The following ERI1 variants were observed in gnomAD, a reference collection of about 807,000 sequenced individuals.
ERI1 encodes the protein 3'-5' exoribonuclease 1.
Under a neutral mutation model 39.7 loss-of-function variants are expected in ERI1, and 39 were observed. The ratio of observed to expected loss-of-function variants is 0.98; its 90% CI spans 0.76 to 1.28. The LOEUF (loss-of-function observed/expected upper bound fraction) is 1.28. Ranked by LOEUF, ERI1 falls within the 50% of genes most tolerant of loss-of-function variation. The probability of loss-of-function intolerance (pLI) is 0.00; values close to 1 mark genes in which losing one functional copy is unlikely to be tolerated. For synonymous variants in ERI1, 204 were observed against 149.6 expected (o/e 1.36, Z -2.65); for missense variants, 581 against 416.9 (o/e 1.39, Z -3.43).
chr8:9,015,664 G>A (rs1817161372), intron 3 of ERI1, among the ~76,000 whole-genome samples: 1 of 142,658 alleles, frequency 7.0e-6, no homozygotes, highest in Non-Finnish European at 1.5e-5. Flanking sequence ...GGAGCTTGCA[G>A]TGAGCCGAGA....
chr8:9,059,768 C>T (rs910267424), intron 3 of ERI1, among the ~76,000 whole-genome samples: 7 of 152,078 alleles, frequency 4.6e-5, no homozygotes, highest in East Asian at 3.9e-4. Context: ...ATATCAGCTG[C>T]GATGGCTTGG....
intron 3 of ERI1, among the ~76,000 whole-genome samples, chr8:9,046,527 C>T (rs1187476096): frequency 3.3e-5 from 5 of 152,188 alleles, no homozygotes; most frequent in Non-Finnish European, 4.4e-5. Context: ...GTTTCTGTTA[C>T]TTGCAATTAA....
chr8:9,046,938 C>T (rs1043800406), intron 3 of ERI1, among the ~76,000 whole-genome samples: 4 of 152,224 alleles, frequency 2.6e-5, no homozygotes, highest in African/African-American at 9.6e-5. Context: ...CTGCCTCACC[C>T]TCCGAATCAG....
At chr8:9,046,692 A>G (rs1283726218) in intron 3 of ERI1, among the ~76,000 whole-genome samples, 1 of 152,254 alleles carries the variant, frequency 6.6e-6, no homozygotes, top group Non-Finnish European at 1.5e-5. Flanking sequence ...AAACACCTTT[A>G]CTATTGAGTC....
intron 3 of ERI1, among the ~76,000 whole-genome samples, chr8:9,098,856 G>A (rs531714885): frequency 1.3e-5 from 2 of 152,082 alleles, no homozygotes; most frequent in Admixed American, 6.6e-5. Context: ...GTTTGTTTCA[G>A]ACAGGCTCTC....
intron 3 of ERI1, among the ~76,000 whole-genome samples, chr8:9,071,592 C>T (rs897456574): frequency 3.9e-5 from 6 of 152,166 alleles, no homozygotes; most frequent in East Asian, 1.9e-4. Context: ...CCAGATAGGA[C>T]GGGATAATTG....
chr8:9,041,174 T>G (rs1263956858), intron 3 of ERI1, among the ~76,000 whole-genome samples: 3 of 152,224 alleles, frequency 2.0e-5, no homozygotes, highest in African/African-American at 7.2e-5. Context: ...GAGAAAAATG[T>G]GGGAATTCCA....
At chr8:9,027,136 G>GGTGTGTGTGTGTGTGTGT (rs780775904) in intron 6 of ERI1, among the ~76,000 whole-genome samples, 87 of 137,594 alleles carry the variant, frequency 6.3e-4, no homozygotes, top group South Asian at 1.7e-3. Context: ...GTTATTTTCT[G>GGTGTGTGTGTGTGTGTGT]GTGTGTGTGT....
rs1007270943 is a variant in ERI1, at chr8:9,004,160, C to T, written c.108+989C>T. ...TGTTCCTTTTGCCCTGTGTGCACTT[C>T]CTTTGGATCCTTGCAATTATCTTTC... is the stretch of plus-strand genomic sequence containing the variant. On this transcript the variant is annotated intron_variant, in intron 1 of 6. Coordinates refer to ENST00000250263, the MANE Select transcript of ERI1 (RefSeq NM_153332.4). 27 of 1,288,894 alleles carry T rather than the reference C, an allele frequency of 2.1e-5. No individual in the cohort carries two copies. In the African/African-American group the frequency reaches 3.2e-4, roughly 15 times the overall value. 79.8% of individuals were successfully genotyped at this position (1,288,894 alleles called of 1,614,324 possible).
intron 3 of ERI1, among the ~76,000 whole-genome samples, chr8:9,084,035 A>C (rs577639667): frequency 1.3e-5 from 2 of 152,186 alleles, no homozygotes; most frequent in South Asian, 4.1e-4. Context: ...CCTCATGATC[A>C]ACCCGCCTCG....
chr8:9,024,814 ATG>A (rs534666050), intron 6 of ERI1, among the ~76,000 whole-genome samples: 129 of 152,218 alleles, frequency 8.5e-4, no homozygotes, highest in African/African-American at 2.9e-3. Context: ...TGACTGTAAA[ATG>A]TGTTTTCTTT....
Position 9,003,063 on chromosome 8 carries a change from C to A in ERI1, c.-1C>A. On this transcript the variant is annotated 5_prime_UTR_variant, in exon 1 of 7. Coordinates refer to ENST00000250263, the MANE Select transcript of ERI1 (RefSeq NM_153332.4). ...AACTCTCCTCTGGCGTGACAGCCGG[C>A]ATGGAGGATCCACAGAGTAAAGAGC... The A allele has an allele frequency of 8.0e-7, 1 of 1,246,786 alleles. No individual in the cohort carries two copies. Among genetic ancestry groups the A allele is most frequent in the Non-Finnish European group, 1.0e-6 (1 of 987,464 alleles). The allele number at this position is 1,246,786 out of a possible 1,614,324, so 77.2% of individuals were successfully genotyped here.
chr8:9,090,052 T>G (rs1461151477), intron 3 of ERI1, among the ~76,000 whole-genome samples: 1 of 152,202 alleles, frequency 6.6e-6, no homozygotes, highest in Non-Finnish European at 1.5e-5. Flanking sequence ...AGTCTCATTG[T>G]GCCATGTTTC....
downstream of ERI1, among the ~76,000 whole-genome samples, chr8:9,037,699 T>A (rs1797896117): frequency 6.6e-6 from 1 of 152,166 alleles, no homozygotes; most frequent in Non-Finnish European, 1.5e-5. Flanking sequence ...AATGAGTTAC[T>A]GTTTTGGCAG....
chr8:9,020,278 A>G, intron 5 of ERI1, 72 bp from the exon 6 acceptor site: 9 of 731,448 alleles, frequency 1.2e-5, no homozygotes, highest in Non-Finnish European at 1.9e-5. Flanking sequence ...TAAATAAATG[A>G]TTTAAAATAC....
At chr8:9,067,745 C>G (rs1798926752) in intron 3 of ERI1, among the ~76,000 whole-genome samples, 1 of 151,680 alleles carries the variant, frequency 6.6e-6, no homozygotes, top group African/African-American at 2.4e-5. Context: ...TTTAAAGAAG[C>G]TGGGTTCCAC....
chr8:9,033,299 T>G lies in ERI1; in HGVS notation c.*3265T>G, dbSNP rs1797716368. The G allele has an allele frequency of 6.6e-6, 1 of 152,214 alleles. No homozygotes were observed. The highest frequency in any genetic ancestry group is 6.5e-5 in the Admixed American group (1 of 15,282). The allele number at this position is 152,214 out of a possible 1,614,324, so 9.4% of individuals were successfully genotyped here. On this transcript the variant is annotated 3_prime_UTR_variant, in exon 7 of 7. Transcript: ENST00000250263. ...ATAATATTTTGTATAATACGAAAAT[T>G]ACGAAATTTTAGTTTCTCTAAATAA...
chr8:9,097,374 C>A (rs1799908776), intron 3 of ERI1, among the ~76,000 whole-genome samples: 1 of 152,064 alleles, frequency 6.6e-6, no homozygotes, highest in Non-Finnish European at 1.5e-5. Context: ...AGTAATTTAT[C>A]ATTTAGGGCC....
In ERI1 at chr8:9,061,332, G is replaced by C. The variant is rs796467565; in HGVS notation, n.299+40868G>C. ...AATGTGGGAGGCCAGATTGAAGTCC[G>C]GGCCAGGAACAATGGTAATTGTGGG... On this transcript the variant is annotated intron_variant and non_coding_transcript_variant, in intron 3 of 3. Coordinates refer to the ERI1 transcript ENST00000518663. 3.3e-5 allele frequency among the ~76,000 whole-genome samples: 5 copies of C among 152,234 alleles called. 1 individual carries two copies. The highest frequency in any genetic ancestry group is 1.9e-4 in the East Asian group (1 of 5,188).
Sources: allele counts gnomAD v4.1 joint callset (sites outside exome capture counted in the v4.1 genomes callset), GRCh38; gene constraint gnomAD v4.1.1; transcripts MANE v1.5; gene names NCBI Gene and HGNC (gene_info 2026-07-23, HGNC 2026-07-21).